Variants in LRRC8D observed in about 807,000 individuals in gnomAD.
LRRC8D encodes the protein volume-regulated anion channel subunit LRRC8D.
LRRC8D carries 20 observed loss-of-function variants against 55.8 expected under a neutral mutation model. The observed-to-expected ratio is 0.36, with a 90% confidence interval of 0.25 to 0.52. LRRC8D has a LOEUF of 0.52. Ranked by LOEUF, LRRC8D falls within the 20% of genes least tolerant of loss-of-function variation. The pLI, the probability that LRRC8D is intolerant of heterozygous loss-of-function variation, is 0.93. For missense variants in LRRC8D, 651 were observed against 1,030.8 expected (o/e 0.63, Z 5.05); for synonymous variants, 352 against 377.0 (o/e 0.93, Z 0.77).
Position 89,936,301 on chromosome 1 carries a change from A to G in LRRC8D, c.*656A>G, listed in dbSNP as rs993617264. The G allele has an allele frequency of 3.0e-5, 5 of 167,180 alleles. No individual in the cohort carries two copies. Among genetic ancestry groups the G allele is most frequent in the Middle Eastern group, 3.4e-3 (1 of 296 alleles). 10.4% of individuals were successfully genotyped at this position (167,180 alleles called of 1,614,324 possible). A position where few individuals can be genotyped will look rare whatever the true frequency, so the allele number is the denominator to read the frequency against. On this transcript the variant is annotated 3_prime_UTR_variant, in exon 3 of 3. Transcript: ENST00000337338. ...TTTTTAAGAATAAGTAACAAGAAATAACACATTTCTTAATAATAGCTTTTT... is the reference window on the plus strand; with the variant it reads ...TTTTTAAGAATAAGTAACAAGAAATGACACATTTCTTAATAATAGCTTTTT...
chr1:89,827,676 C>T (rs1026861561), intron 1 of LRRC8D, among the ~76,000 whole-genome samples: 1 of 152,172 alleles, frequency 6.6e-6, no homozygotes, highest in African/African-American at 2.4e-5. Flanking sequence ...TCACTTTATT[C>T]TAATAAGCCC....
At chr1:89,925,633 T>C (rs1570895444) in intron 2 of LRRC8D, among the ~76,000 whole-genome samples, 2 of 152,210 alleles carry the variant, frequency 1.3e-5, no homozygotes, top group African/African-American at 4.8e-5. Context: ...TAATATACTA[T>C]ATTATATAAA....
chr1:89,851,624 C>G (rs1661420204), intron 2 of LRRC8D, among the ~76,000 whole-genome samples: 1 of 151,820 alleles, frequency 6.6e-6, no homozygotes, highest in Admixed American at 6.6e-5. Context: ...ATTCTCCTGT[C>G]TCAGCCTCCT....
At chr1:89,881,327 GGGA>G (rs1339090480) in intron 2 of LRRC8D, among the ~76,000 whole-genome samples, 2 of 152,128 alleles carry the variant, frequency 1.3e-5, no homozygotes, top group Non-Finnish European at 2.9e-5. Flanking sequence ...GCTGAGGGTG[GGGA>G]GGAGATTTCT....
chr1:89,838,206 A>G (rs1461601025), intron 1 of LRRC8D, among the ~76,000 whole-genome samples: 2 of 85,966 alleles, frequency 2.3e-5, no homozygotes, highest in African/African-American at 5.7e-5. Flanking sequence ...TAAAAAAAAA[A>G]AAAAGGGGGG....
intron 2 of LRRC8D, among the ~76,000 whole-genome samples, chr1:89,921,429 C>T (rs1663414923): frequency 6.6e-6 from 1 of 152,136 alleles, no homozygotes. Flanking sequence ...ACATTAAATT[C>T]TTATTTAAAT....
At chr1:89,915,460 A>G (rs901182865) in intron 2 of LRRC8D, among the ~76,000 whole-genome samples, 1 of 152,242 alleles carries the variant, frequency 6.6e-6, no homozygotes, top group African/African-American at 2.4e-5. Context: ...TTACTCCAAT[A>G]ATGATCACAT....
At chr1:89,822,464 A>G (rs2100682689) in intron 1 of LRRC8D, among the ~76,000 whole-genome samples, 1 of 152,352 alleles carries the variant, frequency 6.6e-6, no homozygotes, top group South Asian at 2.1e-4. Flanking sequence ...TTTGTTGGAC[A>G]AAGAAAACTC....
intron 2 of LRRC8D, among the ~76,000 whole-genome samples, chr1:89,876,490 T>C (rs1662150919): frequency 6.6e-6 from 1 of 152,146 alleles, no homozygotes; most frequent in Non-Finnish European, 1.5e-5. Context: ...AAAAGAGTTA[T>C]ATAAGACAGG....
At chr1:89,857,117 C>T (rs1169313659) in intron 2 of LRRC8D, among the ~76,000 whole-genome samples, 1 of 152,086 alleles carries the variant, frequency 6.6e-6, no homozygotes, top group Non-Finnish European at 1.5e-5. Flanking sequence ...GGCACGGTGG[C>T]TCATGCCTGT....
At chr1:89,885,909 G>A (rs1662406810) in intron 2 of LRRC8D, among the ~76,000 whole-genome samples, 1 of 152,178 alleles carries the variant, frequency 6.6e-6, no homozygotes, top group African/African-American at 2.4e-5. Flanking sequence ...TTCATAAGAT[G>A]TAACCTGATG....
intron 2 of LRRC8D, among the ~76,000 whole-genome samples, chr1:89,850,611 T>G (rs1661387666): frequency 1.3e-5 from 2 of 152,236 alleles, no homozygotes; most frequent in African/African-American, 4.8e-5. Flanking sequence ...CTTGTTCTTT[T>G]CTATGAATTT....
intron 2 of LRRC8D, among the ~76,000 whole-genome samples, chr1:89,889,440 G>A (rs1662505558): frequency 6.6e-6 from 1 of 152,068 alleles, no homozygotes; most frequent in South Asian, 2.1e-4. Context: ...AAAAGTGTGG[G>A]CTTTAGTGGA....
chr1:89,895,682 T>C (rs1419387989), intron 2 of LRRC8D, among the ~76,000 whole-genome samples: 1 of 152,056 alleles, frequency 6.6e-6, no homozygotes, highest in African/African-American at 2.4e-5. Context: ...GAAAAGTTGA[T>C]GAGACGTTGA....
intron 2 of LRRC8D, among the ~76,000 whole-genome samples, chr1:89,890,509 GT>G (rs1230382059): frequency 1.3e-5 from 2 of 152,212 alleles, no homozygotes; most frequent in African/African-American, 2.4e-5. Flanking sequence ...TAGAATTCAT[GT>G]CTGAGTCAGC....
In LRRC8D at chr1:89,934,237, T is replaced by C. The variant is rs1385368044; in HGVS notation, c.1169T>C (p.Ile390Thr). 1 of 1,614,058 alleles carries C rather than the reference T, an allele frequency of 6.2e-7. No homozygotes were observed. Among genetic ancestry groups the C allele is most frequent in the Non-Finnish European group, 8.5e-7 (1 of 1,180,022 alleles). The change falls in exon 3 of 3, where the codon ATA becomes ACA. Residue 390 changes from isoleucine (I) to threonine (T), a missense_variant. By Grantham distance (89) the Ile-to-Thr change is moderately conservative. Coordinates refer to ENST00000337338, the MANE Select transcript of LRRC8D (RefSeq NM_001134479.2). The surrounding 1 kb of genome is among the most constrained non-coding windows in gnomAD (Gnocchi z 5.9). ...TACACTCTCTTCTGGTTATTCAGGA[T>C]ACCTTTGAAGGAATATTCTTTCGAA... ...CLYTLFWLFR[I>T]PLKEYSFEKV...
intron 2 of LRRC8D, among the ~76,000 whole-genome samples, chr1:89,925,735 C>T (rs1257664097): frequency 3.3e-5 from 5 of 152,172 alleles, no homozygotes; most frequent in Admixed American, 1.3e-4. Context: ...TTAATTCAGT[C>T]GATGGTTGAA....
At chr1:89,889,262 GAC>G (rs960021293) in intron 2 of LRRC8D, among the ~76,000 whole-genome samples, 2 of 152,088 alleles carry the variant, frequency 1.3e-5, no homozygotes, top group Admixed American at 1.3e-4. Flanking sequence ...TAAAATACCT[GAC>G]CAGTACTCCT....
chr1:89,890,873 A>G (rs1662558981), intron 2 of LRRC8D, among the ~76,000 whole-genome samples: 1 of 151,886 alleles, frequency 6.6e-6, no homozygotes, highest in South Asian at 2.1e-4. Flanking sequence ...ATAGTTCCTC[A>G]TTCTTTTTTT....
Sources: gnomAD v4.1 joint callset for allele counts (sites outside exome capture counted in the v4.1 genomes callset) on GRCh38, gnomAD v4.1.1 for gene constraint, Gnocchi (gnomAD v3.1) non-coding constraint, MANE v1.5 for transcripts, NCBI Gene and HGNC (gene_info 2026-07-23, HGNC 2026-07-21) for gene names.